The following TOX2 variants were observed in gnomAD, a reference collection of about 807,000 sequenced individuals.
TOX2 encodes granulosa cell HMG box 1.
A neutral mutation model predicts 47.4 loss-of-function variants in TOX2; 15 were observed. The ratio of observed to expected loss-of-function variants is 0.32; its 90% confidence interval spans 0.21 to 0.49. The LOEUF is 0.49. Among genes scored for constraint, TOX2 ranks in the 20% least tolerant of loss-of-function variants. The pLI is 0.99. For missense variants in TOX2, 622 were observed against 673.1 expected, an observed-to-expected ratio of 0.92 and a Z score of 0.84; for synonymous variants, 290 against 296.6, an observed-to-expected ratio of 0.98 and a Z score of 0.23.
chr20:44,063,857 C>A (rs938928805), intron 5 of TOX2, among the ~76,000 whole-genome samples: 3 of 152,042 alleles, frequency 2.0e-5, no homozygotes, highest in African/African-American at 4.8e-5. Flanking sequence ...ATGGCATTTG[C>A]AGCAACCTGG....
chr20:43,928,981 G>GAAAAAAAAAAAAAAAAA (rs575418660), intron 1 of TOX2, among the ~76,000 whole-genome samples: 15 of 86,136 alleles, frequency 1.7e-4, no homozygotes, highest in East Asian at 7.0e-4. Context: ...CTAAAAATAT[G>GAAAAAAAAAAAAAAAAA]AAAAAAAAAA....
chr20:43,943,402 C>A (rs1488274566), intron 1 of TOX2, among the ~76,000 whole-genome samples: 1 of 152,202 alleles, frequency 6.6e-6, no homozygotes, highest in Non-Finnish European at 1.5e-5. Context: ...TAAAATGCCT[C>A]ATTCCTTATC....
intron 1 of TOX2, among the ~76,000 whole-genome samples, chr20:43,932,771 G>T (rs1215671680): frequency 7.2e-6 from 1 of 138,640 alleles, no homozygotes; most frequent in Non-Finnish European, 1.5e-5. Flanking sequence ...GAGAGGGGTT[G>T]CTGCCCCCCC....
intron 5 of TOX2, among the ~76,000 whole-genome samples, chr20:44,058,055 A>G (rs1440830395): frequency 6.7e-6 from 1 of 149,242 alleles, no homozygotes; most frequent in South Asian, 2.1e-4. Context: ...GGAGACTCAC[A>G]TTGTGAACTT....
At chr20:44,049,340 A>G (rs1017668414) in intron 3 of TOX2, among the ~76,000 whole-genome samples, 1 of 152,224 alleles carries the variant, frequency 6.6e-6, no homozygotes, top group African/African-American at 2.4e-5. Flanking sequence ...TACACAATTT[A>G]ATCATATTTG....
intron 1 of TOX2, among the ~76,000 whole-genome samples, chr20:43,929,440 G>C (rs1600655397): frequency 6.6e-6 from 1 of 152,164 alleles, no homozygotes; most frequent in African/African-American, 2.4e-5. Flanking sequence ...GTCAGAGTCA[G>C]TCCCCCTCAG....
At chr20:43,988,646 G>A (rs2070314378) in intron 2 of TOX2, among the ~76,000 whole-genome samples, 1 of 152,226 alleles carries the variant, frequency 6.6e-6, no homozygotes, top group South Asian at 2.1e-4. Context: ...TTTCGTGGGG[G>A]CAGGGACCTG....
Position 44,064,849 on chromosome 20 carries a change from G to A in TOX2, c.952G>A (p.Val318Ile), listed in dbSNP as rs142800786. Residue 318 changes from valine to isoleucine, a missense_variant, in exon 6 of 9, where the codon GTC (valine) becomes ATC (isoleucine). Val to Ile is a conservative substitution (Grantham distance 29, BLOSUM62 3). This residue lies in a region of TOX2 where 294 missense variants were observed against 300.0 expected (regional missense o/e 0.98). Transcript: ENST00000341197. ...KALAAYRASLVSKSSPDQGET... is the reference protein window; with the variant it reads ...KALAAYRASLISKSSPDQGET... ...CCTGGCAGCCTACCGGGCTAGCCTCGTCTCCAAGGTAACACCCGGAATCTC... is the reference window on the plus strand; with the variant it reads ...CCTGGCAGCCTACCGGGCTAGCCTCATCTCCAAGGTAACACCCGGAATCTC... The A allele has an allele frequency of 1.0e-4, 161 of 1,613,944 alleles. 3 individuals are homozygous for A. The highest frequency in any genetic ancestry group is 5.9e-4 in the African/African-American group (44 of 74,904).
chr20:43,963,977 A>G (rs1039696226), intron 1 of TOX2, among the ~76,000 whole-genome samples: 3 of 152,044 alleles, frequency 2.0e-5, no homozygotes, highest in African/African-American at 4.8e-5. Flanking sequence ...ATAGCTAACA[A>G]TGATTGAGTG....
intron 1 of TOX2, among the ~76,000 whole-genome samples, chr20:43,932,783 C>CG (rs2069273396): frequency 2.2e-4 from 32 of 148,782 alleles, no homozygotes; most frequent in East Asian, 8.7e-4. Context: ...TGCCCCCCCC[C>CG]GCCATTTCTG....
chr20:43,948,728 G>A (rs889636538), intron 1 of TOX2, among the ~76,000 whole-genome samples: 1 of 152,228 alleles, frequency 6.6e-6, no homozygotes, highest in African/African-American at 2.4e-5. Context: ...CACACATCTG[G>A]ACAGTTGCAA....
Position 43,914,939 on chromosome 20 carries a change from C to G in TOX2, c.48C>G (p.Pro16=). The G allele has an allele frequency of 8.1e-7, 1 of 1,231,356 alleles. No homozygotes were observed. The highest frequency in any genetic ancestry group is 1.0e-6 in the Non-Finnish European group (1 of 985,528). 76.3% of individuals were successfully genotyped at this position (1,231,356 alleles called of 1,614,324 possible). ...YPSAPAVGAR[P]GAEPAGLAHL... The stretch of plus-strand genomic sequence containing the variant: ...CGGCGCCCGCGGTGGGCGCGCGGCC[C>G]GGGGCCGAGCCGGCCGGCCTGGCGC... The change falls in exon 1 of 9, where the codon CCC becomes CCG. Residue 16 remains proline, a synonymous_variant. Coordinates refer to ENST00000341197, the MANE Select transcript of TOX2 (RefSeq NM_001098797.2). The surrounding 1 kb of genome is among the most constrained non-coding windows in gnomAD (Gnocchi z 4.5).
intron 1 of TOX2, among the ~76,000 whole-genome samples, chr20:43,927,614 T>TC (rs1569003364): frequency 1.3e-5 from 1 of 76,374 alleles, no homozygotes; most frequent in African/African-American, 1.4e-4. Context: ...CCTTCCTTCC[T>TC]TCCTTCCTTC....
chr20:44,061,352 A>G (rs6093923), intron 5 of TOX2, among the ~76,000 whole-genome samples: 77,856 of 151,890 alleles, frequency 0.51, 20,069 homozygotes, highest in East Asian at 0.61. Flanking sequence ...TTATTCTATG[A>G]AGCCAGTCAA....
intron 2 of TOX2, among the ~76,000 whole-genome samples, chr20:43,998,720 C>CATCCATCT (rs769839798): frequency 8.2e-5 from 5 of 60,966 alleles, no homozygotes; most frequent in African/African-American, 3.9e-4. Context: ...TGGCCTGATA[C>CATCCATCT]ATCTATCTAT....
intron 1 of TOX2, among the ~76,000 whole-genome samples, chr20:43,946,872 C>A (rs928542990): frequency 2.6e-5 from 4 of 152,168 alleles, no homozygotes; most frequent in Non-Finnish European, 2.9e-5. Flanking sequence ...GACCAGGAGA[C>A]CCGACCTCTT....
rs1363416993 is a variant in TOX2 at position 43,934,604 on chromosome 20, A to T, written c.99+19614A>T. ...ACTGGATGGGCAGAGGCTCGTGTAGAGGGGGCTGGGAGGACACTGACTACC... is the reference window on the plus strand; with the variant it reads ...ACTGGATGGGCAGAGGCTCGTGTAGTGGGGGCTGGGAGGACACTGACTACC... On this transcript the variant is annotated intron_variant, in intron 1 of 8. Coordinates refer to ENST00000341197, the MANE Select transcript of TOX2 (RefSeq NM_001098797.2). 2.0e-5 allele frequency among the ~76,000 whole-genome samples: 3 copies of T among 151,920 alleles called. No homozygotes were observed. In the East Asian group the frequency reaches 5.8e-4, roughly 29 times the overall value.
rs1036798948 is a variant in TOX2, at chr20:43,973,500, G to C, written c.165+68G>C. On this transcript the variant is annotated intron_variant, in intron 2 of 8. Coordinates refer to ENST00000341197, the MANE Select transcript of TOX2 (RefSeq NM_001098797.2). ...GCTGGCTGGATCTGAGCTGTTCCTG[G>C]GTGGAGGTAGGGGGTGCAGAATGGG... 2.7e-5 allele frequency: 39 copies of C among 1,468,906 alleles called. No homozygotes were observed. In the African/African-American group the frequency reaches 5.0e-4, roughly 19 times the overall value. 91.0% of individuals were successfully genotyped at this position (1,468,906 alleles called of 1,614,324 possible). A position where few individuals can be genotyped will look rare whatever the true frequency, so the allele number is the denominator to read the frequency against.
At chr20:44,003,845 C>A (rs2070630795) in intron 2 of TOX2, among the ~76,000 whole-genome samples, 2 of 152,052 alleles carry the variant, frequency 1.3e-5, no homozygotes, top group Non-Finnish European at 1.5e-5. Flanking sequence ...CCAGGCCATA[C>A]AAGGACTTCC....
Sources: gnomAD v4.1 joint callset for allele counts (sites outside exome capture counted in the v4.1 genomes callset) on GRCh38, gnomAD v4.1.1 for gene constraint, gnomAD v4.1.1 regional missense constraint, Gnocchi (gnomAD v3.1) non-coding constraint, MANE v1.5 for transcripts, NCBI Gene and HGNC (gene_info 2026-07-23, HGNC 2026-07-21) for gene names.